PRKN: variants seen among roughly 807,000 people sequenced by gnomAD.
PRKN encodes E3 ubiquitin-protein ligase parkin.
PRKN carries 56 observed loss-of-function variants against 59.5 expected under a neutral mutation model. The observed-to-expected ratio is 0.94, with a 90% CI of 0.76 to 1.18. The LOEUF (loss-of-function observed/expected upper bound fraction) is 1.18, where lower values mean the gene tolerates loss of function less well. Among genes scored for constraint, PRKN ranks in the 50% most tolerant of loss-of-function variants. The pLI is 0.00. For missense variants in PRKN, 657 were observed against 596.4 expected (o/e 1.10, Z -1.06); for synonymous variants, 250 against 222.1 (o/e 1.13, Z -1.12).
Position 161,982,989 on chromosome 6 carries a change from T to A in PRKN, c.619-9572A>T, listed in dbSNP as rs1455031881. ...AGGCAACCTACAACATGGGAGAAAA[T>A]TTTCGCAACCTACTCATCTGACAAA... On this transcript the variant is annotated intron_variant, in intron 5 of 11. Transcript: ENST00000366898. 3.1e-3 allele frequency among the ~76,000 whole-genome samples: 95 copies of A among 30,474 alleles called. 2 individuals carry two copies. The highest frequency in any genetic ancestry group is 0.014 in the African/African-American group (89 of 6,564). 20.0% of individuals were successfully genotyped at this position (30,474 alleles called of 152,430 possible).
chr6:161,769,031 T>C (rs957070810), intron 7 of PRKN, among the ~76,000 whole-genome samples: 1 of 152,232 alleles, frequency 6.6e-6, no homozygotes, highest in African/African-American at 2.4e-5. Flanking sequence ...CTTTCCAAGT[T>C]ATTTGTTTTC....
At chr6:161,798,837 A>C (rs1790959523) in intron 6 of PRKN, among the ~76,000 whole-genome samples, 1 of 152,296 alleles carries the variant, frequency 6.6e-6, no homozygotes, top group South Asian at 2.1e-4. Flanking sequence ...ACATGGAAGA[A>C]GAGCCTGTGC....
At chr6:162,400,503 C>T (rs1021926001) in intron 2 of PRKN, among the ~76,000 whole-genome samples, 1 of 94,192 alleles carries the variant, frequency 1.1e-5, no homozygotes, top group African/African-American at 4.1e-5. Context: ...CAGTAAAAAA[C>T]ACAAGGAAAG....
Position 161,395,076 on chromosome 6 carries a change from A to G in PRKN, c.1084-8199T>C, listed in dbSNP as rs1786694888. Among the ~76,000 whole-genome samples the G allele has an allele frequency of 6.6e-6, 1 of 152,166 alleles. No individual in the cohort carries two copies. Among genetic ancestry groups the G allele is most frequent in the South Asian group, 2.1e-4 (1 of 4,828 alleles). On this transcript the variant is annotated intron_variant, in intron 9 of 11. Coordinates refer to ENST00000366898, the MANE Select transcript of PRKN (RefSeq NM_004562.3). This position sits in a 1 kb window ranked among gnomAD's most constrained non-coding sequence, Gnocchi z 5.0. Reference sequence around the variant, plus strand: ...GCACAGATTCAAAAGGTACATTGTGAAAAATGTCTCCTTTCCTCCTTGGTC... The same window carrying G: ...GCACAGATTCAAAAGGTACATTGTGGAAAATGTCTCCTTTCCTCCTTGGTC...
chr6:162,103,512 C>G (rs1040214310), intron 4 of PRKN, among the ~76,000 whole-genome samples: 1 of 151,726 alleles, frequency 6.6e-6, no homozygotes, highest in Non-Finnish European at 1.5e-5. Context: ...AAAAGAACAA[C>G]AGAGTAAACC....
intron 6 of PRKN, among the ~76,000 whole-genome samples, chr6:161,898,257 C>T (rs1334075064): frequency 1.3e-5 from 2 of 151,444 alleles, no homozygotes; most frequent in Admixed American, 1.3e-4. Context: ...CACAGTGAAC[C>T]CTTTGAATTA....
chr6:162,523,294 T>C (rs113980015), intron 1 of PRKN, among the ~76,000 whole-genome samples: 5 of 152,134 alleles, frequency 3.3e-5, no homozygotes, highest in African/African-American at 1.2e-4. Flanking sequence ...GTTGTTTAGA[T>C]ATTAGATGTG....
rs530088032 is a variant in PRKN, at chr6:162,008,322, T to A, written c.619-34905A>T. ...CCATTTCCCACCATTCTCCACCTGC[T>A]TCGTGCCCCGGGGGCCCCAGGACGC... On this transcript the variant is annotated intron_variant, in intron 5 of 11. Coordinates refer to ENST00000366898, the MANE Select transcript of PRKN (RefSeq NM_004562.3). 2.3e-3 allele frequency among the ~76,000 whole-genome samples: 351 copies of A among 152,278 alleles called. 2 individuals are homozygous for A. Among genetic ancestry groups the A allele is most frequent in the African/African-American group, 8.4e-3 (347 of 41,548 alleles).
At chr6:161,652,255 A>G (rs948842766) in intron 7 of PRKN, among the ~76,000 whole-genome samples, 1 of 152,228 alleles carries the variant, frequency 6.6e-6, no homozygotes, top group African/African-American at 2.4e-5. Flanking sequence ...TGTATAAAAG[A>G]AAGTCAGGGT....
chr6:162,585,744 C>A (rs1434854893), intron 1 of PRKN, among the ~76,000 whole-genome samples: 1 of 151,860 alleles, frequency 6.6e-6, no homozygotes, highest in African/African-American at 2.4e-5. Flanking sequence ...CTCTTGTCGC[C>A]CAAGCTGGAG....
In PRKN at chr6:161,795,646, AG is replaced by A. The variant is rs542066523; in HGVS notation, c.735-9739del. Among the ~76,000 whole-genome samples, 3 of 152,234 alleles carry A rather than the reference AG, an allele frequency of 2.0e-5. No homozygotes were observed. The South Asian group carries it at 6.2e-4, about 32-fold the overall frequency. Reference sequence around the variant, plus strand: ...CACCGGTCCCTGCACTAGACCTGAGAGGGGGATGCAGCTGTTGCTCTCAGGA... The same window carrying A: ...CACCGGTCCCTGCACTAGACCTGAGAGGGGATGCAGCTGTTGCTCTCAGGA... On this transcript the variant is annotated intron_variant, in intron 6 of 11. Transcript: ENST00000366898.
intron 5 of PRKN, among the ~76,000 whole-genome samples, chr6:161,977,541 G>GTTTTTTTTTTTTTT (rs1562433349): frequency 3.0e-5 from 3 of 98,712 alleles, no homozygotes; most frequent in Admixed American, 1.2e-4. Flanking sequence ...CTGTTTTTTT[G>GTTTTTTTTTTTTTT]GTTTTTTTTT....
intron 6 of PRKN, among the ~76,000 whole-genome samples, chr6:161,789,624 G>A (rs997292531): frequency 2.6e-5 from 4 of 152,086 alleles, no homozygotes; most frequent in African/African-American, 4.8e-5. Flanking sequence ...TTCTTCAATA[G>A]TTATTTAAAA....
At position 162,185,110 on chromosome 6, in the gene PRKN, A is replaced by G. The variant is rs116974010; in HGVS notation, c.534+16021T>C. On this transcript the variant is annotated intron_variant, in intron 4 of 11. Transcript: ENST00000366898. ...TGAACATATATACTGGCATTTTCCT[A>G]GATTTGTGATATTATTTAGTACATA... Among the ~76,000 whole-genome samples, 1,370 of 152,278 alleles carry G rather than the reference A, an allele frequency of 9.0e-3. 21 individuals carry two copies. Among genetic ancestry groups the G allele is most frequent in the East Asian group, 0.067 (347 of 5,180 alleles).
chr6:162,396,619 G>T (rs905074715), intron 2 of PRKN, among the ~76,000 whole-genome samples: 4 of 152,162 alleles, frequency 2.6e-5, no homozygotes, highest in African/African-American at 4.8e-5. Context: ...CCCGTCGCTT[G>T]TGTTAGAAAA....
At chr6:162,175,127 C>CTGTCTTATACATCTTGTACACCTTGT (rs1783473216) in intron 4 of PRKN, among the ~76,000 whole-genome samples, 1 of 152,178 alleles carries the variant, frequency 6.6e-6, no homozygotes, top group Non-Finnish European at 1.5e-5. Context: ...CCAACTCTGG[C>CTGTCTTATACATCTTGTACACCTTGT]TGTCTTATAC....
chr6:162,078,805 C>T (rs1778937341), intron 4 of PRKN, among the ~76,000 whole-genome samples: 1 of 151,944 alleles, frequency 6.6e-6, no homozygotes, highest in African/African-American at 2.4e-5. Context: ...AGGGACATCA[C>T]AACTCGGAGC....
intron 7 of PRKN, among the ~76,000 whole-genome samples, chr6:161,629,768 G>A (rs567513609): frequency 6.6e-6 from 1 of 152,292 alleles, no homozygotes; most frequent in African/African-American, 2.4e-5. Flanking sequence ...ACATAAGCTC[G>A]TGCTGAAGAA....
intron 2 of PRKN, among the ~76,000 whole-genome samples, chr6:162,374,372 A>G (rs916797957): frequency 1.3e-5 from 2 of 149,242 alleles, no homozygotes; most frequent in Non-Finnish European, 3.0e-5. Flanking sequence ...TTTAGGAGAT[A>G]AAACCTGGTC....
Sources: gnomAD v4.1 joint callset for allele counts (sites outside exome capture counted in the v4.1 genomes callset) on GRCh38, gnomAD v4.1.1 for gene constraint, Gnocchi (gnomAD v3.1) non-coding constraint, MANE v1.5 for transcripts, NCBI Gene and HGNC (gene_info 2026-07-23, HGNC 2026-07-21) for gene names.